Variants in SERTAD2 observed in about 807,000 individuals in gnomAD.
SERTAD2 encodes SERTA domain containing 2, also known as SERTA domain-containing protein 2.
SERTAD2 carries 2 observed loss-of-function variants against 15.4 expected under a neutral mutation model. That is an observed-to-expected ratio of 0.13 (90% CI 0.05 to 0.41). The LOEUF (loss-of-function observed/expected upper bound fraction) is 0.41, where lower values mean the gene tolerates loss of function less well. SERTAD2 is among the 10% of genes least tolerant of loss of function. The pLI, the probability that SERTAD2 is intolerant of heterozygous loss-of-function variation, is 0.99. For missense variants in SERTAD2, 333 were observed against 409.7 expected (o/e 0.81, Z 1.62); for synonymous variants, 180 against 178.0 (o/e 1.01, Z -0.09).
chr2:64,636,952 G>A, intron 1 of SERTAD2, 77 bp from the exon 2 acceptor site: 1 of 1,092,336 alleles, frequency 9.2e-7, no homozygotes, highest in Non-Finnish European at 1.3e-6. Context: ...GACTGATTTA[G>A]AGGGCAGGAC....
intron 1 of SERTAD2, chr2:64,645,033 A>G (rs1427846108): frequency 1.5e-5 from 1 of 66,054 alleles, no homozygotes; most frequent in East Asian, 4.8e-4. Flanking sequence ...ATGGATCGGG[A>G]TGCTTTAAAA....
In SERTAD2 at chr2:64,632,636, C is replaced by A. The variant is rs1342609678; in HGVS notation, c.*3291G>T. The stretch of plus-strand genomic sequence containing the variant: ...TCTTAAAAATTTGGAGGTATTAAAA[C>A]ATTCCTCATACCTTTTGCATATTTC... On this transcript the variant is annotated 3_prime_UTR_variant, in exon 2 of 2. Coordinates refer to ENST00000313349, the MANE Select transcript of SERTAD2 (RefSeq NM_014755.3). 2.0e-5 allele frequency: 3 copies of A among 152,636 alleles called. No homozygotes were observed. Among genetic ancestry groups the A allele is most frequent in the Non-Finnish European group, 4.4e-5 (3 of 68,040 alleles). The allele number at this position is 152,636 out of a possible 1,614,324, so 9.5% of individuals were successfully genotyped here. A position where few individuals can be genotyped will look rare whatever the true frequency, so the allele number is the denominator to read the frequency against.
chr2:64,650,899 G>A (rs1674995039), intron 1 of SERTAD2, among the ~76,000 whole-genome samples: 1 of 152,160 alleles, frequency 6.6e-6, no homozygotes, highest in African/African-American at 2.4e-5. Flanking sequence ...GCCTTCTGGT[G>A]CCTTCAGTAC....
At chr2:64,642,672 C>A (rs1211032539) in intron 1 of SERTAD2, among the ~76,000 whole-genome samples, 1 of 152,198 alleles carries the variant, frequency 6.6e-6, no homozygotes, top group Non-Finnish European at 1.5e-5. Context: ...CTCACCCCAG[C>A]CTCTGCAGCA....
At chr2:64,643,472 G>A (rs572704279) in intron 1 of SERTAD2, among the ~76,000 whole-genome samples, 9 of 152,320 alleles carry the variant, frequency 5.9e-5, no homozygotes, top group African/African-American at 1.4e-4. Flanking sequence ...GCGGGATCCT[G>A]CACGGCTCTA....
In SERTAD2 at chr2:64,636,578, G is replaced by A. The variant is rs1394055399; in HGVS notation, c.294C>T (p.Asp98=). 4 of 1,599,702 alleles carry A rather than the reference G, an allele frequency of 2.5e-6. No individual in the cohort carries two copies. In the African/African-American group the frequency reaches 4.0e-5, roughly 16 times the overall value. Residue 98 remains aspartate (D), a synonymous_variant, in exon 2 of 2, where the codon GAC becomes GAT. Transcript: ENST00000313349. ...PSSQPTTEPS[D]SYREAPPAFS... ...AGGCCGGCGGGGCCTCTCGGTAGCT[G>A]TCGCTGGGCTCGGTGGTGGGCTGGG...
In SERTAD2 at chr2:64,653,913, T is replaced by G. The variant is rs968416436; in HGVS notation, c.-298A>C. ...TGCTCCAGCACTCGCCGTGCAGGAG[T>G]GACGTGCGGCCCGCGAGCCTCCCGC... On this transcript the variant is annotated 5_prime_UTR_variant, in exon 1 of 2. Coordinates refer to ENST00000313349, the MANE Select transcript of SERTAD2 (RefSeq NM_014755.3). 4 of 148,250 alleles carry G rather than the reference T, an allele frequency of 2.7e-5. No homozygotes were observed. The highest frequency in any genetic ancestry group is 7.5e-5 in the African/African-American group (3 of 40,156). 9.2% of individuals were successfully genotyped at this position (148,250 alleles called of 1,614,324 possible).
Position 64,632,605 on chromosome 2 carries a change from T to C in SERTAD2, c.*3322A>G, listed in dbSNP as rs1674559162. The C allele has an allele frequency of 6.6e-6, 1 of 152,654 alleles. No individual in the cohort carries two copies. The highest frequency in any genetic ancestry group is 1.5e-5 in the Non-Finnish European group (1 of 68,044). The allele number at this position is 152,654 out of a possible 1,614,324, so 9.5% of individuals were successfully genotyped here. On this transcript the variant is annotated 3_prime_UTR_variant, in exon 2 of 2. Transcript: ENST00000313349. ...ACTTTAAAAAATATCAACCCTTTGA[T>C]GCTTTTCTTAAAAATTTGGAGGTAT...
intron 1 of SERTAD2, among the ~76,000 whole-genome samples, chr2:64,637,234 G>A (rs1674680425): frequency 3.9e-5 from 6 of 152,124 alleles, no homozygotes; most frequent in Admixed American, 3.3e-4. Context: ...ATGCAGGTTC[G>A]ATTTCCCTCC....
intron 1 of SERTAD2, among the ~76,000 whole-genome samples, chr2:64,641,081 T>C (rs1034943391): frequency 8.5e-5 from 13 of 152,346 alleles, no homozygotes; most frequent in Admixed American, 3.9e-4. Context: ...CAAAACTCAT[T>C]GGTAGAGACA....
intron 1 of SERTAD2, among the ~76,000 whole-genome samples, chr2:64,652,450 G>C (rs1178511400): frequency 6.6e-6 from 1 of 152,192 alleles, no homozygotes; most frequent in Non-Finnish European, 1.5e-5. Context: ...ACTACAAAAA[G>C]CTACTGTGAA....
chr2:64,639,154 T>C (rs1013977786), intron 1 of SERTAD2, among the ~76,000 whole-genome samples: 3 of 152,278 alleles, frequency 2.0e-5, no homozygotes, highest in African/African-American at 4.8e-5. Flanking sequence ...CATACTTAAA[T>C]GTGTGAGTAC....
intron 1 of SERTAD2, among the ~76,000 whole-genome samples, chr2:64,643,295 A>G (rs920116956): frequency 5.9e-5 from 9 of 152,232 alleles, no homozygotes; most frequent in African/African-American, 1.4e-4. Flanking sequence ...AGGCTTCACA[A>G]TTAAGTGGTA....
At position 64,636,700 on chromosome 2, in the gene SERTAD2, T is replaced by G. The variant is rs1165057682; in HGVS notation, c.172A>C (p.Ser58Arg). ...LYNHRPLTEPSLQKTVLINNM... is the reference protein window; with the variant it reads ...LYNHRPLTEPRLQKTVLINNM... Reference sequence around the variant, plus strand: ...TTAATTAAAACGGTCTTTTGCAAGCTGGGCTCTGTCAGGGGCCTGTGGTTA... The same window carrying G: ...TTAATTAAAACGGTCTTTTGCAAGCGGGGCTCTGTCAGGGGCCTGTGGTTA... The change falls in exon 2 of 2, where the codon AGC becomes CGC. Residue 58 changes from serine (S) to arginine (R), a missense_variant. Physicochemically the swap from Ser to Arg is moderately radical, Grantham distance 110 (BLOSUM62 -1). Around this residue, in one of 2 missense-constraint regions of SERTAD2, gnomAD observed 332 missense variants for 392.9 expected, o/e 0.84. Transcript: ENST00000313349. 5.0e-6 allele frequency: 8 copies of G among 1,613,932 alleles called. No homozygotes were observed. The highest frequency in any genetic ancestry group is 5.9e-6 in the Non-Finnish European group (7 of 1,180,014).
In SERTAD2 at chr2:64,636,471, G is replaced by A. The variant is rs1393125553; in HGVS notation, c.401C>T (p.Ser134Leu). 1.9e-6 allele frequency: 3 copies of A among 1,614,026 alleles called. No homozygotes were observed. The highest frequency in any genetic ancestry group is 2.5e-6 in the Non-Finnish European group (3 of 1,179,964). Reference sequence around the variant, plus strand: ...CGTGTCATCGTCGTCCTCGAGCAGTGAGGCCGGGGTGAGGCAGGCCTCCAG... The same window carrying A: ...CGTGTCATCGTCGTCCTCGAGCAGTAAGGCCGGGGTGAGGCAGGCCTCCAG... ...TPLEACLTPA[S>L]LLEDDDDTFC... is the part of the protein sequence containing the mutation. The change falls in exon 2 of 2, where the codon TCA becomes TTA. Residue 134 changes from serine (S) to leucine (L), a missense_variant. Transcript: ENST00000313349.
chr2:64,636,097 C>G lies in SERTAD2; in HGVS notation c.775G>C (p.Asp259His), dbSNP rs80293201. ...GTCCCTGATGAGGAAGTGCAGGGGTCAAAATCATACATGGACGTATCAATG... is the reference window on the plus strand; with the variant it reads ...GTCCCTGATGAGGAAGTGCAGGGGTGAAAATCATACATGGACGTATCAATG... Reference protein sequence around the residue: ...ADIDTSMYDFDPCTSSSGTAS... With the variant: ...ADIDTSMYDFHPCTSSSGTAS... The change falls in exon 2 of 2, where the codon GAC (aspartate) becomes CAC (histidine). Residue 259 changes from aspartate (D) to histidine (H), a missense_variant. Physicochemically the swap from Asp to His is moderately conservative, Grantham distance 81 (BLOSUM62 -1). Around this residue, in one of 2 missense-constraint regions of SERTAD2, gnomAD observed 332 missense variants for 392.9 expected, o/e 0.84. Transcript: ENST00000313349. 1 of 1,614,106 alleles carries G rather than the reference C, an allele frequency of 6.2e-7. No individual in the cohort carries two copies. Among genetic ancestry groups the G allele is most frequent in the Admixed American group, 1.7e-5 (1 of 60,014 alleles).
At chr2:64,643,138 G>A (rs1035388590) in intron 1 of SERTAD2, among the ~76,000 whole-genome samples, 13 of 152,200 alleles carry the variant, frequency 8.5e-5, no homozygotes, top group Non-Finnish European at 1.5e-4. Context: ...GACCTGGTGC[G>A]GGGACAGACG....
At chr2:64,653,307 G>A (rs1675054448) in intron 1 of SERTAD2, among the ~76,000 whole-genome samples, 1 of 152,108 alleles carries the variant, frequency 6.6e-6, no homozygotes, top group Non-Finnish European at 1.5e-5. Flanking sequence ...CTGTAGAGGC[G>A]ACAGCTCCAG....
chr2:64,652,293 GC>G (rs1400175756), intron 1 of SERTAD2, among the ~76,000 whole-genome samples: 1 of 152,122 alleles, frequency 6.6e-6, no homozygotes, highest in Non-Finnish European at 1.5e-5. Context: ...GATGGGAGCT[GC>G]CAGGGTGAGA....
Sources: allele counts gnomAD v4.1 joint callset (sites outside exome capture counted in the v4.1 genomes callset), GRCh38; gene constraint gnomAD v4.1.1; regional missense constraint gnomAD v4.1.1; transcripts MANE v1.5; gene names NCBI Gene and HGNC (gene_info 2026-07-23, HGNC 2026-07-21).